TOX2: variants seen among roughly 807,000 people sequenced by gnomAD.
TOX2 encodes the protein TOX high mobility group box family member 2.
Under a neutral mutation model 47.4 loss-of-function variants are expected in TOX2, and 15 were observed. The observed-to-expected ratio is 0.32, with a 90% CI of 0.21 to 0.49. TOX2 has a LOEUF of 0.49. Ranked by LOEUF, TOX2 falls within the 20% of genes least tolerant of loss-of-function variation. The pLI is 0.99. For synonymous variants in TOX2, 290 were observed against 296.6 expected, an observed-to-expected ratio of 0.98 and a Z score of 0.23; for missense variants, 622 against 673.1, an observed-to-expected ratio of 0.92 and a Z score of 0.84.
chr20:43,941,712 G>T (rs1403243653), intron 1 of TOX2, among the ~76,000 whole-genome samples: 1 of 152,140 alleles, frequency 6.6e-6, no homozygotes, highest in East Asian at 1.9e-4. Flanking sequence ...GAGGTTTCCT[G>T]ACTCGCTTCT....
chr20:44,023,194 C>T (rs572419721), intron 3 of TOX2, among the ~76,000 whole-genome samples: 26 of 151,774 alleles, frequency 1.7e-4, no homozygotes, highest in African/African-American at 5.1e-4. Context: ...TTTGGGAGGC[C>T]GAGGCGAGCA....
intron 2 of TOX2, among the ~76,000 whole-genome samples, chr20:43,984,424 T>C (rs1354783065): frequency 6.6e-6 from 1 of 152,174 alleles, no homozygotes; most frequent in Non-Finnish European, 1.5e-5. Context: ...TAATGAGCTC[T>C]TCCCCATCAA....
chr20:43,985,153 T>C (rs886785012), intron 2 of TOX2, among the ~76,000 whole-genome samples: 5 of 152,316 alleles, frequency 3.3e-5, no homozygotes, highest in Non-Finnish European at 4.4e-5. Context: ...CCCCTCAGAC[T>C]GGTCATTTGT....
At chr20:43,951,310 C>A (rs183725616) in intron 1 of TOX2, among the ~76,000 whole-genome samples, 1 of 152,132 alleles carries the variant, frequency 6.6e-6, no homozygotes, top group Admixed American at 6.6e-5. Context: ...TGTGGTGGCT[C>A]ACGCTTGTAA....
chr20:44,054,880 G>A (rs1343751310), intron 5 of TOX2, among the ~76,000 whole-genome samples: 1 of 152,216 alleles, frequency 6.6e-6, no homozygotes, highest in Non-Finnish European at 1.5e-5. Context: ...CACTGACCAT[G>A]TGCCTGTGGC....
chr20:43,917,546 A>G (rs1440876168), intron 1 of TOX2, among the ~76,000 whole-genome samples: 1 of 152,104 alleles, frequency 6.6e-6, no homozygotes, highest in Non-Finnish European at 1.5e-5. Context: ...AAGGGCAAGC[A>G]TTTGCCCAAG....
At chr20:43,992,345 G>C (rs2070383375) in intron 2 of TOX2, among the ~76,000 whole-genome samples, 1 of 152,118 alleles carries the variant, frequency 6.6e-6, no homozygotes, top group South Asian at 2.1e-4. Flanking sequence ...TCGTGTAGGA[G>C]CGATCGTGTA....
intron 3 of TOX2, among the ~76,000 whole-genome samples, chr20:44,015,170 G>A (rs1468055733): frequency 6.6e-6 from 1 of 152,236 alleles, no homozygotes; most frequent in East Asian, 1.9e-4. Context: ...CTAAACAGTG[G>A]TAACTAGAGG....
intron 1 of TOX2, among the ~76,000 whole-genome samples, chr20:43,951,317 G>A (rs1304122866): frequency 6.6e-6 from 1 of 152,176 alleles, no homozygotes. Flanking sequence ...GCTCACGCTT[G>A]TAATCCCAGC....
At chr20:44,031,344 C>G (rs915352181) in intron 3 of TOX2, among the ~76,000 whole-genome samples, 2 of 152,196 alleles carry the variant, frequency 1.3e-5, no homozygotes, top group African/African-American at 4.8e-5. Flanking sequence ...GCCACTTTCC[C>G]CGTTCACTGG....
chr20:43,986,950 GC>G (rs2070278630), intron 2 of TOX2, among the ~76,000 whole-genome samples: 1 of 152,016 alleles, frequency 6.6e-6, no homozygotes, highest in African/African-American at 2.4e-5. Flanking sequence ...TGTAGTCCCA[GC>G]TACTCGAGAG....
intron 4 of TOX2, among the ~76,000 whole-genome samples, chr20:44,053,259 C>T (rs903055362): frequency 6.6e-6 from 1 of 152,182 alleles, no homozygotes; most frequent in Non-Finnish European, 1.5e-5. Flanking sequence ...AGTGAAGCCA[C>T]TGGTTCCAGG....
In TOX2 at chr20:44,054,415, C is replaced by T; in HGVS notation, c.768C>T (p.Phe256=). The T allele has an allele frequency of 6.2e-7, 1 of 1,613,084 alleles. No individual in the cohort carries two copies. The highest frequency in any genetic ancestry group is 1.1e-5 in the South Asian group (1 of 90,920). Residue 256 remains phenylalanine (F), a synonymous_variant, in exon 5 of 9, where the codon TTC becomes TTT. Coordinates refer to ENST00000341197, the MANE Select transcript of TOX2 (RefSeq NM_001098797.2). ...AGCCTGTGTCGGCCTACGCACTCTT[C>T]TTCAGAGACACTCAGGCCGCCATCA... ...PQKPVSAYAL[F]FRDTQAAIKG...
chr20:43,945,191 T>C (rs6017224), intron 1 of TOX2, among the ~76,000 whole-genome samples: 3,425 of 152,020 alleles, frequency 0.023, 116 homozygotes, highest in African/African-American at 0.065. Flanking sequence ...CCACTGAAAA[T>C]ATCTCCTCCT....
intron 2 of TOX2, among the ~76,000 whole-genome samples, chr20:44,001,885 A>G (rs1452577706): frequency 6.6e-6 from 1 of 152,150 alleles, no homozygotes; most frequent in Non-Finnish European, 1.5e-5. Context: ...ATTACTGTGC[A>G]CTGTGCTAGG....
chr20:43,992,983 C>T (rs543084120), intron 2 of TOX2, among the ~76,000 whole-genome samples: 2 of 152,234 alleles, frequency 1.3e-5, no homozygotes, highest in South Asian at 4.1e-4. Flanking sequence ...ACCCACCAAG[C>T]ATGTTTTCCC....
At chr20:43,982,136 C>A (rs2070179573) in intron 2 of TOX2, among the ~76,000 whole-genome samples, 1 of 151,816 alleles carries the variant, frequency 6.6e-6, no homozygotes, top group Non-Finnish European at 1.5e-5. Flanking sequence ...TGGAGGACAG[C>A]AGAGAAAAGG....
At chr20:43,975,850 A>G (rs543799275) in intron 2 of TOX2, among the ~76,000 whole-genome samples, 32 of 152,132 alleles carry the variant, frequency 2.1e-4, no homozygotes, top group Admixed American at 4.6e-4. Flanking sequence ...AGTGGGGCAT[A>G]GTGTCTGGAA....
At chr20:43,985,959 T>C (rs1459561728) in intron 2 of TOX2, among the ~76,000 whole-genome samples, 1 of 152,182 alleles carries the variant, frequency 6.6e-6, no homozygotes, top group Non-Finnish European at 1.5e-5. Flanking sequence ...AGGAGGGCTC[T>C]GAGGAAGGTT....
Sources: allele counts gnomAD v4.1 joint callset (sites outside exome capture counted in the v4.1 genomes callset), GRCh38; gene constraint gnomAD v4.1.1; transcripts MANE v1.5; gene names NCBI Gene and HGNC (gene_info 2026-07-23, HGNC 2026-07-21).